The following ABCC9 variants were observed in gnomAD, a reference collection of about 807,000 sequenced individuals.
The protein encoded by ABCC9 is ATP-binding cassette sub-family C member 9.
In ABCC9, 95 loss-of-function variants were observed where a neutral mutation model predicts 188.3. That is an observed-to-expected ratio of 0.50 (90% CI 0.43 to 0.60). The LOEUF is 0.60. Among genes scored for constraint, ABCC9 ranks in the 20% least tolerant of loss-of-function variants. The probability of loss-of-function intolerance (pLI) is 0.00; values close to 1 mark genes in which losing one functional copy is unlikely to be tolerated. For synonymous variants in ABCC9, 659 were observed against 652.7 expected (o/e 1.01, Z -0.15); for missense variants, 1,102 against 1,876.3 (o/e 0.59, Z 7.62).
rs558419689 is a variant in ABCC9, at chr12:21,910,580, CAGAA to C, written c.1164+242_1164+245del. ...CTTTAAGCATAAGCCCTAGAACAAA[CAGAA>C]AGAGATAAATAAATGTAAGATTTCA... is the stretch of plus-strand genomic sequence containing the variant. On this transcript the variant is annotated intron_variant, in intron 9 of 39. Transcript: ENST00000261200. Among the ~76,000 whole-genome samples the C allele has an allele frequency of 9.2e-5, 14 of 151,848 alleles. No homozygotes were observed. The East Asian group carries it at 2.3e-3, about 25-fold the overall frequency.
At chr12:21,871,389 A>T (rs1946067277) in intron 18 of ABCC9, among the ~76,000 whole-genome samples, 1 of 152,200 alleles carries the variant, frequency 6.6e-6, no homozygotes. Flanking sequence ...GATTTGCTCG[A>T]CAGGGATAAA....
intron 16 of ABCC9, among the ~76,000 whole-genome samples, chr12:21,876,629 A>G (rs1427817301): frequency 1.3e-5 from 2 of 152,242 alleles, no homozygotes; most frequent in Non-Finnish European, 2.9e-5. Context: ...TGGACTTAAT[A>G]GTTTTACCAG....
intron 16 of ABCC9, among the ~76,000 whole-genome samples, chr12:21,876,413 A>C (rs537234478): frequency 6.6e-6 from 1 of 152,372 alleles, no homozygotes; most frequent in East Asian, 1.9e-4. Context: ...CAGCAAAATG[A>C]CTTCATTAAC....
chr12:21,903,803 A>G (rs992049585), intron 12 of ABCC9, among the ~76,000 whole-genome samples: 3 of 152,258 alleles, frequency 2.0e-5, no homozygotes, highest in Non-Finnish European at 2.9e-5. Context: ...ATGGAAGAAC[A>G]TTCCATGCTC....
chr12:21,882,437 T>C (rs1269936909), intron 16 of ABCC9, among the ~76,000 whole-genome samples: 2 of 152,164 alleles, frequency 1.3e-5, no homozygotes, highest in African/African-American at 2.4e-5. Flanking sequence ...TTTGAACTTA[T>C]AATATTGGTA....
intron 14 of ABCC9, among the ~76,000 whole-genome samples, chr12:21,889,499 CA>C (rs1203055272): frequency 2.0e-5 from 3 of 151,968 alleles, no homozygotes; most frequent in African/African-American, 7.2e-5. Context: ...TGTCTCTGCA[CA>C]AAAAAACAAA....
At chr12:21,922,124 G>A (rs1261345011) in intron 5 of ABCC9, among the ~76,000 whole-genome samples, 1 of 151,910 alleles carries the variant, frequency 6.6e-6, no homozygotes, top group Non-Finnish European at 1.5e-5. Flanking sequence ...TATTTTGATA[G>A]GGATTGCATT....
At chr12:21,829,191 CTTTTTTTTTT>C (rs11430045) in intron 30 of ABCC9, 131 bp from the exon 31 acceptor site, 123 of 230,658 alleles carry the variant, frequency 5.3e-4, no homozygotes, top group African/African-American at 3.2e-3. Flanking sequence ...AAATAGATTT[CTTTTTTTTTT>C]TTTTTTTTTT....
chr12:21,868,968 T>C (rs760114412), intron 18 of ABCC9, among the ~76,000 whole-genome samples: 13 of 152,182 alleles, frequency 8.5e-5, no homozygotes, highest in African/African-American at 1.2e-4. Context: ...CTGAATCTTC[T>C]TGATCCTAAA....
intron 29 of ABCC9, among the ~76,000 whole-genome samples, chr12:21,839,235 A>G (rs548857893): frequency 1.6e-4 from 24 of 152,342 alleles, no homozygotes; most frequent in Admixed American, 1.3e-3. Context: ...GGACAGTCAG[A>G]AGAAGCCCTA....
chr12:21,825,363 G>T (rs1478767767), intron 31 of ABCC9, among the ~76,000 whole-genome samples: 1 of 152,094 alleles, frequency 6.6e-6, no homozygotes, highest in Non-Finnish European at 1.5e-5. Flanking sequence ...TTGCAGCACT[G>T]CTCACAATAG....
In ABCC9 at chr12:21,799,693, G is replaced by A. The variant is rs1046482185; in HGVS notation, c.*1351C>T. The A allele has an allele frequency of 5.3e-5, 8 of 152,122 alleles. No homozygotes were observed. Among genetic ancestry groups the A allele is most frequent in the Admixed American group, 6.5e-5 (1 of 15,276 alleles). 9.4% of individuals were successfully genotyped at this position (152,122 alleles called of 1,614,324 possible). On this transcript the variant is annotated 3_prime_UTR_variant, in exon 40 of 40. Coordinates refer to ENST00000261200, the MANE Select transcript of ABCC9 (RefSeq NM_020297.4). Reference sequence around the variant, plus strand: ...AACAGAACACAGAAACTATAGGAAAGTGGCATAATTTCTCTTAATTCATCA... The same window carrying A: ...AACAGAACACAGAAACTATAGGAAAATGGCATAATTTCTCTTAATTCATCA...
intron 2 of ABCC9, among the ~76,000 whole-genome samples, chr12:21,938,501 AC>A (rs1233461314): frequency 6.6e-6 from 1 of 152,154 alleles, no homozygotes; most frequent in African/African-American, 2.4e-5. Flanking sequence ...CAAAAACAAA[AC>A]TAAAAACTAA....
intron 4 of ABCC9, among the ~76,000 whole-genome samples, chr12:21,926,734 A>G (rs79104121): frequency 1.3e-5 from 2 of 152,304 alleles, no homozygotes; most frequent in East Asian, 3.9e-4. Context: ...GGAAGAAGAG[A>G]GGAAGACAGT....
At chr12:21,917,208 A>G (rs1322695886) in intron 5 of ABCC9, 105 bp from the exon 6 acceptor site, 2 of 1,148,558 alleles carry the variant, frequency 1.7e-6, no homozygotes, top group African/African-American at 1.5e-5. Flanking sequence ...AATTTTATGT[A>G]CTATATTTCC....
At chr12:21,812,211 A>G (rs1942289636) in intron 35 of ABCC9, 54 bp from the exon 36 acceptor site, 2 of 1,269,910 alleles carry the variant, frequency 1.6e-6, no homozygotes, top group Non-Finnish European at 2.3e-6. Flanking sequence ...AAGTAAAATA[A>G]TATTTGTTTA....
At chr12:21,869,555 ACCCAGAATGCTTTCCT>A (rs1260845578) in intron 18 of ABCC9, 2 of 152,180 alleles carry the variant, frequency 1.3e-5, no homozygotes, top group African/African-American at 4.8e-5. Flanking sequence ...TCCACAGCAT[ACCCAGAATGCTTTCCT>A]CCTTTTCCAG....
At chr12:21,921,881 AGATGTATG>A (rs1235914277) in intron 5 of ABCC9, among the ~76,000 whole-genome samples, 1 of 151,950 alleles carries the variant, frequency 6.6e-6, no homozygotes, top group Non-Finnish European at 1.5e-5. Flanking sequence ...ACTTCACTAT[AGATGTATG>A]GATTTATCTC....
At chr12:21,801,755 T>C (rs1401061230) in intron 39 of ABCC9, among the ~76,000 whole-genome samples, 1 of 152,194 alleles carries the variant, frequency 6.6e-6, no homozygotes, top group East Asian at 1.9e-4. Flanking sequence ...GCCCTTTGGA[T>C]TAATTAGTAA....
Sources: allele counts gnomAD v4.1 joint callset (sites outside exome capture counted in the v4.1 genomes callset), GRCh38; gene constraint gnomAD v4.1.1; transcripts MANE v1.5; gene names NCBI Gene and HGNC (gene_info 2026-07-23, HGNC 2026-07-21).